The following JAKMIP2 variants were observed in gnomAD, a reference collection of about 807,000 sequenced individuals.
The protein encoded by JAKMIP2 is janus kinase and microtubule interacting protein 2, also known as janus kinase and microtubule-interacting protein 2.
In JAKMIP2, 25 loss-of-function variants were observed where a neutral mutation model predicts 115.0. That is an observed-to-expected ratio of 0.22 (90% CI 0.16 to 0.30). The LOEUF (loss-of-function observed/expected upper bound fraction) is 0.30, where lower values mean the gene tolerates loss of function less well. Ranked by LOEUF, JAKMIP2 falls within the 10% of genes least tolerant of loss-of-function variation. JAKMIP2 has a pLI of 1.00. For missense variants in JAKMIP2, 642 were observed against 957.6 expected (o/e 0.67, Z 4.35); for synonymous variants, 334 against 343.6 (o/e 0.97, Z 0.31).
chr5:147,639,269 C>T (rs1757769577), intron 10 of JAKMIP2, among the ~76,000 whole-genome samples: 1 of 152,072 alleles, frequency 6.6e-6, no homozygotes, highest in African/African-American at 2.4e-5. Flanking sequence ...CACTTATTAA[C>T]GAAGAGAAGA....
chr5:147,687,171 T>C (rs1355397049), intron 1 of JAKMIP2, among the ~76,000 whole-genome samples: 4 of 152,204 alleles, frequency 2.6e-5, no homozygotes, highest in Non-Finnish European at 5.9e-5. Context: ...CTGCTAATCA[T>C]CATCATAATT....
chr5:147,641,143 G>C (rs900948170), intron 8 of JAKMIP2, among the ~76,000 whole-genome samples: 10 of 152,186 alleles, frequency 6.6e-5, no homozygotes, highest in African/African-American at 2.4e-4. Context: ...TATGACCAAA[G>C]GATTTTGAAA....
At chr5:147,626,545 C>A (rs1757106308) in intron 16 of JAKMIP2, among the ~76,000 whole-genome samples, 1 of 152,122 alleles carries the variant, frequency 6.6e-6, no homozygotes, top group South Asian at 2.1e-4. Flanking sequence ...AGTTATCTAC[C>A]TTTTTTGTGC....
At chr5:147,630,292 G>A (rs1315402535) in intron 14 of JAKMIP2, among the ~76,000 whole-genome samples, 3 of 152,192 alleles carry the variant, frequency 2.0e-5, no homozygotes, top group South Asian at 4.1e-4. Flanking sequence ...TTTTTACCCT[G>A]TTCCTTGAGT....
intron 20 of JAKMIP2, among the ~76,000 whole-genome samples, chr5:147,610,035 C>A (rs10045077): frequency 0.95 from 143,887 of 152,202 alleles, 68,524 homozygotes; most frequent in East Asian, 1. Context: ...CCATCAGGTC[C>A]TTTATGTTCT....
chr5:147,715,974 C>A (rs1013438493), intron 1 of JAKMIP2, among the ~76,000 whole-genome samples: 1 of 135,074 alleles, frequency 7.4e-6, no homozygotes, highest in African/African-American at 2.8e-5. Context: ...AGGTATATCT[C>A]CCAATGCTAT....
At chr5:147,597,181 CCGAT>C (rs1325536840) in intron 21 of JAKMIP2, among the ~76,000 whole-genome samples, 1 of 152,028 alleles carries the variant, frequency 6.6e-6, no homozygotes, top group Admixed American at 6.6e-5. Flanking sequence ...CCGCGCCTGG[CCGAT>C]CGTACTAATA....
At chr5:147,688,041 A>G (rs1283441013) in intron 1 of JAKMIP2, among the ~76,000 whole-genome samples, 2 of 152,196 alleles carry the variant, frequency 1.3e-5, no homozygotes, top group African/African-American at 2.4e-5. Flanking sequence ...TAACCGCTGC[A>G]TGGTCCTTGT....
intron 1 of JAKMIP2, among the ~76,000 whole-genome samples, chr5:147,700,891 T>A (rs1360872370): frequency 6.6e-6 from 1 of 152,180 alleles, no homozygotes; most frequent in African/African-American, 2.4e-5. Flanking sequence ...GGACCTGTCA[T>A]GGGCTACTTC....
rs1448172719 is a variant in JAKMIP2, at chr5:147,690,778, G to A, written c.-148-18824C>T. 3.3e-5 allele frequency among the ~76,000 whole-genome samples: 5 copies of A among 151,900 alleles called. No homozygotes were observed. In the East Asian group the frequency reaches 7.8e-4, roughly 24 times the overall value. On this transcript the variant is annotated intron_variant, in intron 1 of 21. Coordinates refer to ENST00000616793, the MANE Select transcript of JAKMIP2 (RefSeq NM_001270941.2). ...TGTGTAGCTCCTTCTCCAGTGCTTC[G>A]TGGCTATTGCATGACGCATACTGTG...
chr5:147,705,920 A>G (rs928963410), intron 1 of JAKMIP2, among the ~76,000 whole-genome samples: 6 of 152,256 alleles, frequency 3.9e-5, no homozygotes, highest in African/African-American at 1.4e-4. Flanking sequence ...ATAAAGTAGC[A>G]CAAGCTTTCT....
intron 16 of JAKMIP2, among the ~76,000 whole-genome samples, chr5:147,628,084 T>C (rs1757186782): frequency 6.6e-6 from 1 of 151,980 alleles, no homozygotes; most frequent in South Asian, 2.1e-4. Flanking sequence ...CTCACAGGCA[T>C]GATCATAGTA....
At chr5:147,694,875 G>A (rs1215578736) in intron 1 of JAKMIP2, among the ~76,000 whole-genome samples, 1 of 152,168 alleles carries the variant, frequency 6.6e-6, no homozygotes, top group Non-Finnish European at 1.5e-5. Flanking sequence ...TTGTACTTTT[G>A]ATGAAAGTAT....
intron 1 of JAKMIP2, among the ~76,000 whole-genome samples, chr5:147,750,561 TACACACACACACACACAC>T (rs151015424): frequency 7.0e-6 from 1 of 142,808 alleles, no homozygotes; most frequent in South Asian, 2.3e-4. Flanking sequence ...TGCCAGAAAA[TACACACACACACACACAC>T]ACACACACAC....
intron 19 of JAKMIP2, among the ~76,000 whole-genome samples, chr5:147,614,225 C>G (rs1241912410): frequency 1.3e-5 from 2 of 152,034 alleles, no homozygotes; most frequent in Non-Finnish European, 2.9e-5. Context: ...TTCCCAGTTT[C>G]AAAGAACTAT....
chr5:147,599,234 A>G (rs1755564806), intron 21 of JAKMIP2, among the ~76,000 whole-genome samples: 1 of 152,200 alleles, frequency 6.6e-6, no homozygotes, highest in African/African-American at 2.4e-5. Flanking sequence ...TGCCTTTGAC[A>G]TGCATAACCT....
At position 147,671,690 on chromosome 5, in the gene JAKMIP2, T is replaced by G. The variant is rs774175691; in HGVS notation, c.117A>C (p.Gln39His). The G allele has an allele frequency of 1.3e-6, 2 of 1,505,982 alleles. No individual in the cohort carries two copies. The highest frequency in any genetic ancestry group is 1.8e-6 in the Non-Finnish European group (2 of 1,122,194). The allele number at this position is 1,505,982 out of a possible 1,614,324, so 93.3% of individuals were successfully genotyped here. Residue 39 changes from glutamine (Q) to histidine (H), a missense_variant, in exon 2 of 22, where the codon CAA becomes CAC. Around this residue, in one of 6 missense-constraint regions of JAKMIP2, gnomAD observed 439 missense variants for 570.9 expected, o/e 0.77. Coordinates refer to ENST00000616793, the MANE Select transcript of JAKMIP2 (RefSeq NM_001270941.2). ...AGCCCTCGCTCACCTTGGACTTCTC[T>G]TGATGCAGCTCTATCTGAATGTCTG... Reference protein sequence around the residue: ...KLTDIQIELHQEKSKVSKLER... With the variant: ...KLTDIQIELHHEKSKVSKLER...
chr5:147,730,240 G>C (rs763473442), intron 1 of JAKMIP2, among the ~76,000 whole-genome samples: 2 of 152,142 alleles, frequency 1.3e-5, no homozygotes, highest in Non-Finnish European at 2.9e-5. Flanking sequence ...CAAGGTTTTA[G>C]AAACTGACAA....
chr5:147,705,685 A>G (rs2126898133), intron 1 of JAKMIP2, among the ~76,000 whole-genome samples: 1 of 152,328 alleles, frequency 6.6e-6, no homozygotes, highest in East Asian at 1.9e-4. Context: ...TCCAGGGCAG[A>G]AGTGCTCTGA....
Sources: allele counts gnomAD v4.1 joint callset (sites outside exome capture counted in the v4.1 genomes callset), GRCh38; gene constraint gnomAD v4.1.1; regional missense constraint gnomAD v4.1.1; transcripts MANE v1.5; gene names NCBI Gene and HGNC (gene_info 2026-07-23, HGNC 2026-07-21).